The following NTM variants were observed in gnomAD, a reference collection of about 807,000 sequenced individuals.
NTM encodes IgLON family member 2.
A neutral mutation model predicts 42.1 loss-of-function variants in NTM; 13 were observed. The ratio of observed to expected loss-of-function variants is 0.31; its 90% CI spans 0.20 to 0.49. The LOEUF (loss-of-function observed/expected upper bound fraction) is 0.49. NTM is among the 20% of genes least tolerant of loss of function. The pLI, the probability that NTM is intolerant of heterozygous loss-of-function variation, is 0.99. For synonymous variants in NTM, 187 were observed against 179.2 expected (o/e 1.04, Z -0.35); for missense variants, 373 against 452.8 (o/e 0.82, Z 1.60).
intron 1 of NTM, among the ~76,000 whole-genome samples, chr11:131,589,495 T>C (rs369606971): frequency 2.6e-5 from 4 of 152,196 alleles, no homozygotes; most frequent in African/African-American, 9.7e-5. Flanking sequence ...CACAGGAGCT[T>C]CTGCAGAGGC....
At chr11:131,774,432 A>G in intron 1 of NTM, among the ~76,000 whole-genome samples, 1 of 152,200 alleles carries the variant, frequency 6.6e-6, no homozygotes. Context: ...TCCCTTTGCC[A>G]TAATTCTTTT....
At chr11:132,276,550 G>A (rs2093733656) in intron 4 of NTM, among the ~76,000 whole-genome samples, 1 of 152,170 alleles carries the variant, frequency 6.6e-6, no homozygotes, top group African/African-American at 2.4e-5. Flanking sequence ...CACAAAAATT[G>A]TGGTTCATGC....
intron 4 of NTM, among the ~76,000 whole-genome samples, chr11:132,220,220 G>A (rs1476725630): frequency 1.3e-5 from 2 of 152,100 alleles, no homozygotes; most frequent in East Asian, 1.9e-4. Flanking sequence ...ATAAACCAGT[G>A]GTACAACCTC....
At chr11:131,598,927 C>CCTTCCTTCCTT in intron 1 of NTM, among the ~76,000 whole-genome samples, 1 of 143,816 alleles carries the variant, frequency 7.0e-6, no homozygotes, top group Non-Finnish European at 1.5e-5. Context: ...TTCCTTCTTT[C>CCTTCCTTCCTT]CTTTCAGACA....
chr11:131,953,919 C>T (rs1005813552), intron 2 of NTM, among the ~76,000 whole-genome samples: 4 of 152,158 alleles, frequency 2.6e-5, no homozygotes, highest in Non-Finnish European at 4.4e-5. Flanking sequence ...CAAGCCACTC[C>T]GTGGAGATGG....
In NTM at chr11:131,878,716, A is replaced by T. The variant is rs1008101258; in HGVS notation, c.83-32848A>T. 2.0e-5 allele frequency among the ~76,000 whole-genome samples: 3 copies of T among 149,272 alleles called. No individual in the cohort carries two copies. In the East Asian group the frequency reaches 5.8e-4, roughly 29 times the overall value. On this transcript the variant is annotated intron_variant, in intron 1 of 8. Transcript: ENST00000683400. ...AAATCTTGCACTACCTCTCTGTCAT[A>T]GCCATTGCCATTTTTATTCTTTAGA...
At chr11:132,012,751 A>G (rs1009251308) in intron 2 of NTM, among the ~76,000 whole-genome samples, 5 of 152,214 alleles carry the variant, frequency 3.3e-5, no homozygotes, top group Admixed American at 3.3e-4. Context: ...AAATCCATAC[A>G]CAGTAGTGAA....
At chr11:132,211,089 A>G (rs1162295850) in intron 3 of NTM, among the ~76,000 whole-genome samples, 1 of 152,220 alleles carries the variant, frequency 6.6e-6, no homozygotes, top group Non-Finnish European at 1.5e-5. Flanking sequence ...AGAGAAGTAT[A>G]GAGGGTAGGG....
intron 1 of NTM, among the ~76,000 whole-genome samples, chr11:131,718,443 C>T (rs1054840174): frequency 3.3e-5 from 5 of 151,892 alleles, no homozygotes; most frequent in Non-Finnish European, 4.4e-5. Context: ...ACTGTCTGGC[C>T]CCATCACTGA....
chr11:131,512,738 C>T (rs1450090841), intron 1 of NTM, among the ~76,000 whole-genome samples: 2 of 152,134 alleles, frequency 1.3e-5, no homozygotes, highest in Non-Finnish European at 2.9e-5. Flanking sequence ...GGATGCCTGG[C>T]CTTCTCGCTT....
chr11:132,070,043 A>G (rs2057275294), intron 2 of NTM, among the ~76,000 whole-genome samples: 1 of 142,868 alleles, frequency 7.0e-6, no homozygotes, highest in Admixed American at 7.1e-5. Flanking sequence ...TGACCGTCAC[A>G]GGTTAGTTAA....
intron 2 of NTM, among the ~76,000 whole-genome samples, chr11:132,137,746 T>C (rs2068225438): frequency 6.6e-6 from 1 of 152,038 alleles, no homozygotes; most frequent in African/African-American, 2.4e-5. Flanking sequence ...TGGAGGGATA[T>C]AGACAGCTGG....
At chr11:132,325,066 C>T (rs910996216) in intron 7 of NTM, among the ~76,000 whole-genome samples, 1 of 151,600 alleles carries the variant, frequency 6.6e-6, no homozygotes, top group Non-Finnish European at 1.5e-5. Flanking sequence ...CCATAAAAAC[C>T]CTAGAAGAAA....
intron 4 of NTM, among the ~76,000 whole-genome samples, chr11:132,216,992 C>T (rs2083985401): frequency 6.6e-6 from 1 of 152,146 alleles, no homozygotes; most frequent in Admixed American, 6.5e-5. Flanking sequence ...TTCAAGTTTC[C>T]TTTTGCAAGA....
intron 1 of NTM, among the ~76,000 whole-genome samples, chr11:131,520,493 T>G (rs6590585): frequency 2.6e-5 from 4 of 152,136 alleles, no homozygotes; most frequent in African/African-American, 9.7e-5. Context: ...ATCTCTTTGA[T>G]GTCTGTCCAG....
intron 1 of NTM, among the ~76,000 whole-genome samples, chr11:131,888,133 T>A (rs757541398): frequency 6.6e-6 from 1 of 152,076 alleles, no homozygotes; most frequent in Non-Finnish European, 1.5e-5. Flanking sequence ...AAACCCTGTC[T>A]CTACTAAAAA....
chr11:131,727,061 CA>C (rs2079058895), intron 1 of NTM, among the ~76,000 whole-genome samples: 1 of 151,322 alleles, frequency 6.6e-6, no homozygotes, highest in Non-Finnish European at 1.5e-5. Flanking sequence ...CTTACACAGC[CA>C]AGTGGAGCAG....
At chr11:131,794,753 T>A (rs1035582591) in intron 1 of NTM, 1 of 985,242 alleles carries the variant, frequency 1.0e-6, no homozygotes. Context: ...CTTAGAACAA[T>A]GGTGAGCTCC....
At chr11:132,245,645 G>A (rs192810270) in intron 4 of NTM, among the ~76,000 whole-genome samples, 45 of 152,256 alleles carry the variant, frequency 3.0e-4, no homozygotes, top group African/African-American at 1.1e-3. Context: ...GCGGGGCAGA[G>A]CGTCACGGGG....
Sources: gnomAD v4.1 joint callset for allele counts (sites outside exome capture counted in the v4.1 genomes callset) on GRCh38, gnomAD v4.1.1 for gene constraint, MANE v1.5 for transcripts, NCBI Gene and HGNC (gene_info 2026-07-23, HGNC 2026-07-21) for gene names.